RASEF: variants seen among roughly 807,000 people sequenced by gnomAD.
The protein encoded by RASEF is RAS and EF-hand domain containing.
In RASEF, 68 loss-of-function variants were observed where a neutral mutation model predicts 90.1. That is an observed-to-expected ratio of 0.75 (90% confidence interval 0.62 to 0.92). The LOEUF (loss-of-function observed/expected upper bound fraction) is 0.92. Ranked by LOEUF, RASEF falls within the 40% of genes least tolerant of loss-of-function variation. The pLI is 0.00. For synonymous variants in RASEF, 331 were observed against 345.2 expected (o/e 0.96, Z 0.46); for missense variants, 949 against 937.2 (o/e 1.01, Z -0.16).
chr9:83,034,212 A>C (rs1023745494), intron 1 of RASEF, among the ~76,000 whole-genome samples: 4 of 152,200 alleles, frequency 2.6e-5, no homozygotes, highest in Admixed American at 6.5e-5. Flanking sequence ...CAGAATGGCT[A>C]TCCAGCTCTC....
chr9:83,096,581 G>A, the RASEF span, among the ~76,000 whole-genome samples: 2 of 152,040 alleles, frequency 1.3e-5, no homozygotes, highest in Non-Finnish European at 2.9e-5. Context: ...ACAGTGAGAT[G>A]GGTGAGCTGA....
At chr9:83,142,969 G>C in the RASEF span, among the ~76,000 whole-genome samples, 5,477 of 152,158 alleles carry the variant, frequency 0.036, 312 homozygotes, top group African/African-American at 0.12. Context: ...GTGAAAGTTG[G>C]TGAAGTAATT....
the RASEF span, among the ~76,000 whole-genome samples, chr9:83,075,650 C>T: frequency 6.6e-6 from 1 of 152,098 alleles, no homozygotes; most frequent in Non-Finnish European, 1.5e-5. Flanking sequence ...TTTATTTTAG[C>T]TCTAGGGGAT....
chr9:83,182,743 C>A, the RASEF span, among the ~76,000 whole-genome samples: 2 of 151,842 alleles, frequency 1.3e-5, no homozygotes, highest in Non-Finnish European at 2.9e-5. Flanking sequence ...TAAATATGTG[C>A]AAGTATTTGG....
At chr9:82,985,165 C>A (rs540813069) in intron 16 of RASEF, among the ~76,000 whole-genome samples, 6 of 152,192 alleles carry the variant, frequency 3.9e-5, no homozygotes, top group African/African-American at 1.4e-4. Flanking sequence ...TTCGTTTTCA[C>A]GCTGCTGATA....
intron 1 of RASEF, chr9:83,055,440 T>C: frequency 3.2e-6 from 2 of 625,368 alleles, no homozygotes; most frequent in Non-Finnish European, 5.8e-6. Flanking sequence ...CTGCGCCCAC[T>C]GTCTCGCACT....
chr9:83,072,856 A>G, the RASEF span, among the ~76,000 whole-genome samples: 1,233 of 152,276 alleles, frequency 8.1e-3, 16 homozygotes, highest in African/African-American at 0.028. Flanking sequence ...TCACAGACAC[A>G]TACAGGAACA....
At chr9:83,193,708 T>C in the RASEF span, among the ~76,000 whole-genome samples, 2 of 152,206 alleles carry the variant, frequency 1.3e-5, no homozygotes, top group Non-Finnish European at 2.9e-5. Context: ...GAGAATCATA[T>C]ATATCTTTGA....
chr9:83,032,562 A>G (rs1829667021), intron 1 of RASEF, among the ~76,000 whole-genome samples: 1 of 152,240 alleles, frequency 6.6e-6, no homozygotes, highest in African/African-American at 2.4e-5. Context: ...GTGAAATGCA[A>G]TTAGAGAAAA....
chr9:83,215,389 A>G, the RASEF span, among the ~76,000 whole-genome samples: 1 of 152,140 alleles, frequency 6.6e-6, no homozygotes, highest in Non-Finnish European at 1.5e-5. Context: ...GTGGATGGCA[A>G]GGGTAAGAGA....
intron 16 of RASEF, among the ~76,000 whole-genome samples, chr9:82,987,627 C>T (rs576682180): frequency 3.3e-5 from 5 of 152,224 alleles, no homozygotes; most frequent in African/African-American, 4.8e-5. Flanking sequence ...TAAAGAGAAT[C>T]GACTCTTCAC....
chr9:83,138,474 A>C, the RASEF span, among the ~76,000 whole-genome samples: 1 of 152,208 alleles, frequency 6.6e-6, no homozygotes, highest in East Asian at 1.9e-4. Context: ...AAAATGCCCT[A>C]ATTTGCAAAC....
chr9:83,074,630 C>G, the RASEF span, among the ~76,000 whole-genome samples: 1 of 152,194 alleles, frequency 6.6e-6, no homozygotes, highest in South Asian at 2.1e-4. Context: ...GTCCATAAAG[C>G]TTTACTGTAA....
chr9:83,078,288 A>G, the RASEF span, among the ~76,000 whole-genome samples: 7 of 152,348 alleles, frequency 4.6e-5, no homozygotes, highest in East Asian at 1.4e-3. Flanking sequence ...AAAGCCAGTT[A>G]GGCTTCATAA....
chr9:83,124,569 A>G, the RASEF span, among the ~76,000 whole-genome samples: 1 of 152,162 alleles, frequency 6.6e-6, no homozygotes, highest in Non-Finnish European at 1.5e-5. Context: ...TTGAAGATAC[A>G]ATACTATGTA....
chr9:83,177,655 C>T, the RASEF span, among the ~76,000 whole-genome samples: 1 of 148,920 alleles, frequency 6.7e-6, no homozygotes, highest in Non-Finnish European at 1.5e-5. Context: ...ATTTAGTTTT[C>T]TCTTGCTGAT....
At chr9:83,016,654 T>C (rs80266993) in intron 3 of RASEF, among the ~76,000 whole-genome samples, 1,593 of 152,008 alleles carry the variant, frequency 0.01, 25 homozygotes, top group South Asian at 0.076. Context: ...ATAATAAAAC[T>C]GATGTTCTCA....
chr9:83,039,922 T>C (rs1829808051), intron 1 of RASEF, among the ~76,000 whole-genome samples: 1 of 152,178 alleles, frequency 6.6e-6, no homozygotes, highest in Non-Finnish European at 1.5e-5. Flanking sequence ...AAATCTCATC[T>C]TAACTGTAGC....
chr9:83,140,687 G>A, the RASEF span, among the ~76,000 whole-genome samples: 1 of 152,090 alleles, frequency 6.6e-6, no homozygotes. Context: ...GAACATCAAA[G>A]AAAGAAATTA....
Sources: gnomAD v4.1 joint callset for allele counts (sites outside exome capture counted in the v4.1 genomes callset) on GRCh38, gnomAD v4.1.1 for gene constraint, MANE v1.5 for transcripts, NCBI Gene and HGNC (gene_info 2026-07-23, HGNC 2026-07-21) for gene names.